HMBOX1: variants seen among roughly 807,000 people sequenced by gnomAD.
HMBOX1 encodes the protein homeobox-containing protein 1.
HMBOX1 carries 14 observed loss-of-function variants against 54.5 expected under a neutral mutation model. The observed-to-expected ratio is 0.26, with a 90% CI of 0.17 to 0.40. The LOEUF (loss-of-function observed/expected upper bound fraction) is 0.40. HMBOX1 is among the 10% of genes least tolerant of loss of function. The probability of loss-of-function intolerance (pLI) is 1.00; values close to 1 mark genes in which losing one functional copy is unlikely to be tolerated. For missense variants in HMBOX1, 332 were observed against 514.4 expected, an observed-to-expected ratio of 0.65 and a Z score of 3.43; for synonymous variants, 160 against 181.0, an observed-to-expected ratio of 0.88 and a Z score of 0.93.
chr8:28,965,974 A>G (rs1201546234), intron 2 of HMBOX1, among the ~76,000 whole-genome samples: 1 of 152,128 alleles, frequency 6.6e-6, no homozygotes, highest in Non-Finnish European at 1.5e-5. Flanking sequence ...TATTTTGCCT[A>G]GTCATTCTAG....
intron 4 of HMBOX1, among the ~76,000 whole-genome samples, chr8:29,003,532 C>A (rs562443162): frequency 1.4e-5 from 1 of 70,602 alleles, no homozygotes; most frequent in African/African-American, 5.2e-5. Context: ...GCATATTTTT[C>A]TGTATTAAAT....
At chr8:28,950,362 A>G (rs1427054272) in intron 1 of HMBOX1, among the ~76,000 whole-genome samples, 1 of 152,198 alleles carries the variant, frequency 6.6e-6, no homozygotes, top group East Asian at 1.9e-4. Context: ...GAACAATTGC[A>G]CTAAACTGAC....
At chr8:29,006,773 A>G (rs1833513635) in intron 4 of HMBOX1, among the ~76,000 whole-genome samples, 1 of 152,186 alleles carries the variant, frequency 6.6e-6, no homozygotes, top group Non-Finnish European at 1.5e-5. Context: ...TCTGTTGTCT[A>G]GCGAGCTCTG....
At chr8:28,965,067 A>G (rs1429375883) in intron 2 of HMBOX1, among the ~76,000 whole-genome samples, 1 of 152,254 alleles carries the variant, frequency 6.6e-6, no homozygotes, top group African/African-American at 2.4e-5. Context: ...TCTAATGGCT[A>G]TTGAAAATAG....
chr8:29,026,557 C>T (rs1209892208), intron 6 of HMBOX1, among the ~76,000 whole-genome samples: 2 of 152,116 alleles, frequency 1.3e-5, no homozygotes, highest in Non-Finnish European at 2.9e-5. Context: ...GGCATTTATT[C>T]AGTGCACTGT....
In HMBOX1 at chr8:28,908,853, G is replaced by A. The variant is rs547491411; in HGVS notation, c.-58+18175G>A. On this transcript the variant is annotated intron_variant, in intron 1 of 9. Transcript: ENST00000287701. ...TCCTCCCTGTAATTTCAGTGTTTTG[G>A]GAAGCTGATGCAGGAGGATTGCTTG... Among the ~76,000 whole-genome samples, 5 of 152,238 alleles carry A rather than the reference G, an allele frequency of 3.3e-5. No individual in the cohort carries two copies. In the South Asian group the frequency reaches 8.3e-4, roughly 25 times the overall value.
At chr8:29,045,988 C>T (rs902262818) in intron 7 of HMBOX1, among the ~76,000 whole-genome samples, 3 of 152,100 alleles carry the variant, frequency 2.0e-5, no homozygotes, top group East Asian at 1.9e-4. Context: ...GTCAACAAAC[C>T]CACTTAAATA....
At chr8:28,910,558 C>T (rs1193459921) in intron 1 of HMBOX1, among the ~76,000 whole-genome samples, 1 of 152,132 alleles carries the variant, frequency 6.6e-6, no homozygotes, top group Non-Finnish European at 1.5e-5. Flanking sequence ...TTGTTATTGT[C>T]TATCTTTTTT....
chr8:29,008,350 T>G (rs1833757861), intron 4 of HMBOX1, among the ~76,000 whole-genome samples: 1 of 152,228 alleles, frequency 6.6e-6, no homozygotes, highest in Non-Finnish European at 1.5e-5. Flanking sequence ...TCTAAGTAAT[T>G]GCTGTCAAGA....
intron 3 of HMBOX1, among the ~76,000 whole-genome samples, chr8:28,972,630 T>C (rs1220459187): frequency 2.6e-5 from 4 of 152,244 alleles, no homozygotes; most frequent in Admixed American, 2.6e-4. Flanking sequence ...TCGGTGTTGT[T>C]GCTGTTCATC....
intron 6 of HMBOX1, among the ~76,000 whole-genome samples, chr8:29,023,286 A>G (rs937943170): frequency 2.0e-5 from 3 of 152,192 alleles, no homozygotes; most frequent in Non-Finnish European, 4.4e-5. Context: ...TCTTGATTTA[A>G]AAAAAACAGC....
At chr8:28,949,512 C>G (rs374101869) in intron 1 of HMBOX1, among the ~76,000 whole-genome samples, 1 of 152,192 alleles carries the variant, frequency 6.6e-6, no homozygotes, top group South Asian at 2.1e-4. Flanking sequence ...TATTAATTAT[C>G]TTGGAAAATG....
intron 1 of HMBOX1, among the ~76,000 whole-genome samples, chr8:28,904,889 A>G (rs1585678924): frequency 6.6e-6 from 1 of 152,126 alleles, no homozygotes; most frequent in East Asian, 1.9e-4. Flanking sequence ...GTTAGCCACG[A>G]TGGTCTCGAT....
intron 5 of HMBOX1, chr8:29,009,751 A>G (rs1462678274): frequency 2.3e-6 from 3 of 1,284,318 alleles, no homozygotes; most frequent in Admixed American, 2.4e-5. Context: ...ATCTTAAGAA[A>G]ACTAAGATGA....
At chr8:28,896,359 A>C (rs1024265907) in intron 1 of HMBOX1, among the ~76,000 whole-genome samples, 1 of 152,248 alleles carries the variant, frequency 6.6e-6, no homozygotes, top group Non-Finnish European at 1.5e-5. Flanking sequence ...GTGTGTGTAT[A>C]GTTCTATGCC....
intron 6 of HMBOX1, among the ~76,000 whole-genome samples, chr8:29,043,985 C>G (rs557762027): frequency 3.3e-5 from 5 of 152,170 alleles, no homozygotes; most frequent in Admixed American, 6.5e-5. Flanking sequence ...GGATATAGCT[C>G]TATGACTTAA....
intron 4 of HMBOX1, among the ~76,000 whole-genome samples, chr8:28,984,529 C>T (rs1381011576): frequency 6.6e-6 from 1 of 152,156 alleles, no homozygotes; most frequent in Non-Finnish European, 1.5e-5. Flanking sequence ...GGAAAAATGA[C>T]AGTATAAACA....
At chr8:28,956,211 C>T (rs1045264414) in intron 1 of HMBOX1, among the ~76,000 whole-genome samples, 2 of 151,916 alleles carry the variant, frequency 1.3e-5, no homozygotes, top group African/African-American at 4.8e-5. Flanking sequence ...CATTGTTAAA[C>T]TGTTATTTCC....
At chr8:28,947,134 GT>G (rs1165632044) in intron 1 of HMBOX1, among the ~76,000 whole-genome samples, 2 of 152,114 alleles carry the variant, frequency 1.3e-5, no homozygotes, top group Non-Finnish European at 2.9e-5. Flanking sequence ...GATGGAGAGC[GT>G]TTTTTCATGA....
Sources: gnomAD v4.1 joint callset for allele counts (sites outside exome capture counted in the v4.1 genomes callset) on GRCh38, gnomAD v4.1.1 for gene constraint, MANE v1.5 for transcripts, NCBI Gene and HGNC (gene_info 2026-07-23, HGNC 2026-07-21) for gene names.